Variants in GALNT16 observed in about 807,000 individuals in gnomAD.
The protein encoded by GALNT16 is polypeptide N-acetylgalactosaminyltransferase 16, also known as UDP-GalNAc:polypeptide N-acetylgalactosaminyltransferase-like protein 1.
GALNT16 carries 40 observed loss-of-function variants against 76.1 expected under a neutral mutation model. That is an observed-to-expected ratio of 0.53 (90% CI 0.41 to 0.68). The LOEUF (loss-of-function observed/expected upper bound fraction) is 0.68, where lower values mean the gene tolerates loss of function less well. GALNT16 is among the 30% of genes least tolerant of loss of function. The probability of loss-of-function intolerance (pLI) is 0.00; values close to 1 mark genes in which losing one functional copy is unlikely to be tolerated. For missense variants in GALNT16, 621 were observed against 731.9 expected, an observed-to-expected ratio of 0.85 and a Z score of 1.75; for synonymous variants, 276 against 285.2, an observed-to-expected ratio of 0.97 and a Z score of 0.32.
At chr14:69,371,684 G>A in the GALNT16 span, among the ~76,000 whole-genome samples, 8 of 152,008 alleles carry the variant, frequency 5.3e-5, no homozygotes, top group African/African-American at 1.7e-4. Flanking sequence ...GGTGGCTCAC[G>A]CCTGTAATCC....
At chr14:69,272,560 T>C (rs976558922) in intron 1 of GALNT16, among the ~76,000 whole-genome samples, 2 of 152,168 alleles carry the variant, frequency 1.3e-5, no homozygotes, top group African/African-American at 4.8e-5. Flanking sequence ...GCACAATTAC[T>C]TTATTTTAAA....
chr14:69,331,526 T>C lies in GALNT16; in HGVS notation c.753T>C (p.Leu251=). 6.2e-7 allele frequency: 1 copy of C among 1,606,306 alleles called. No homozygotes were observed. Among genetic ancestry groups the C allele is most frequent in the African/African-American group, 1.3e-5 (1 of 74,894 alleles). The part of the protein sequence containing the change: ...DVISLDNFAY[L]AASADLRGGF... ...TCAGTCTGGATAATTTTGCCTACCT[T>C]GCAGCATCTGCTGACCTTCGTGGAG... Residue 251 remains leucine, a synonymous_variant, in exon 7 of 15, where the codon CTT becomes CTC. Transcript: ENST00000448469.
At chr14:69,302,767 A>C (rs1416408456) in intron 1 of GALNT16, among the ~76,000 whole-genome samples, 1 of 152,238 alleles carries the variant, frequency 6.6e-6, no homozygotes, top group East Asian at 1.9e-4. Context: ...GATAAAAATG[A>C]ATAAATTTTT....
the GALNT16 span, among the ~76,000 whole-genome samples, chr14:69,378,552 CTG>C: frequency 6.6e-6 from 1 of 152,214 alleles, no homozygotes; most frequent in Non-Finnish European, 1.5e-5. Flanking sequence ...GGCTCTTTTT[CTG>C]TGTATTATGG....
At chr14:69,344,961 C>T (rs2045542627) in intron 12 of GALNT16, among the ~76,000 whole-genome samples, 1 of 152,132 alleles carries the variant, frequency 6.6e-6, no homozygotes, top group Non-Finnish European at 1.5e-5. Flanking sequence ...AGTGGTCAGG[C>T]AGGTGATGTC....
At chr14:69,302,362 C>T (rs967876651) in intron 1 of GALNT16, among the ~76,000 whole-genome samples, 1 of 152,150 alleles carries the variant, frequency 6.6e-6, no homozygotes, top group African/African-American at 2.4e-5. Context: ...TGATGTCTGT[C>T]TGTCTCTCTC....
At chr14:69,371,910 CT>C in the GALNT16 span, among the ~76,000 whole-genome samples, 4 of 152,098 alleles carry the variant, frequency 2.6e-5, no homozygotes, top group African/African-American at 9.6e-5. Flanking sequence ...TGCCACTGCA[CT>C]CCAGCCTGGG....
At chr14:69,346,392 T>C (rs139448418) in intron 12 of GALNT16, among the ~76,000 whole-genome samples, 2 of 152,322 alleles carry the variant, frequency 1.3e-5, no homozygotes, top group East Asian at 3.9e-4. Context: ...TGGTCAAAGA[T>C]GTGTGCATTT....
intron 2 of GALNT16, among the ~76,000 whole-genome samples, chr14:69,323,354 T>A (rs74654306): frequency 6.6e-6 from 1 of 152,194 alleles, no homozygotes; most frequent in East Asian, 1.9e-4. Flanking sequence ...GAGGCATGCA[T>A]GCCGAAAGGG....
chr14:69,368,471 A>G, the GALNT16 span, among the ~76,000 whole-genome samples: 1 of 152,168 alleles, frequency 6.6e-6, no homozygotes, highest in African/African-American at 2.4e-5. Flanking sequence ...GGGCTGTCTC[A>G]CAACATGGCA....
chr14:69,322,003 G>A (rs763465388), intron 2 of GALNT16, among the ~76,000 whole-genome samples: 3 of 152,250 alleles, frequency 2.0e-5, no homozygotes, highest in Non-Finnish European at 4.4e-5. Context: ...GTGAGGGTGC[G>A]AGAGGGCCTG....
intron 1 of GALNT16, among the ~76,000 whole-genome samples, chr14:69,310,799 C>A (rs531854264): frequency 3.8e-4 from 58 of 152,172 alleles, no homozygotes; most frequent in African/African-American, 1.4e-3. Flanking sequence ...CCTGTAACCT[C>A]AAGACTTTGG....
the GALNT16 span, among the ~76,000 whole-genome samples, chr14:69,365,292 A>T: frequency 1.3e-5 from 2 of 152,192 alleles, no homozygotes; most frequent in South Asian, 2.1e-4. Context: ...TTCATAAATA[A>T]TTAATAATTT....
At chr14:69,368,907 G>A in the GALNT16 span, among the ~76,000 whole-genome samples, 1 of 152,186 alleles carries the variant, frequency 6.6e-6, no homozygotes, top group Non-Finnish European at 1.5e-5. Flanking sequence ...AGGGAAGCAG[G>A]GACCAGAAAT....
intron 1 of GALNT16, among the ~76,000 whole-genome samples, chr14:69,312,054 AATCTGT>A (rs1290906427): frequency 8.0e-6 from 1 of 125,718 alleles, no homozygotes; most frequent in Admixed American, 7.5e-5. Flanking sequence ...AAAAAAAAAA[AATCTGT>A]CTATCTATCT....
At chr14:69,339,667 ACAACCC>A in intron 11 of GALNT16, 48 bp downstream of exon 11, 1 of 1,167,554 alleles carries the variant, frequency 8.6e-7, no homozygotes, top group Middle Eastern at 2.0e-4. Context: ...CCACATTAGC[ACAACCC>A]CAGCAAAATA....
downstream of GALNT16, chr14:69,355,740 G>A (rs1255924797): frequency 6.6e-6 from 1 of 152,214 alleles, no homozygotes; most frequent in Admixed American, 6.5e-5. Context: ...TCTGCACCAG[G>A]GCCAGACTCC....
chr14:69,273,875 G>A (rs946615561), intron 1 of GALNT16, among the ~76,000 whole-genome samples: 1 of 152,152 alleles, frequency 6.6e-6, no homozygotes, highest in South Asian at 2.1e-4. Flanking sequence ...GAAATGGGAG[G>A]GGTTGGCTCT....
chr14:69,338,403 C>T (rs1224382338), intron 9 of GALNT16, among the ~76,000 whole-genome samples: 1 of 152,236 alleles, frequency 6.6e-6, no homozygotes. Context: ...GCTTTTTCCA[C>T]TGCTCTTCCT....
Sources: gnomAD v4.1 joint callset for allele counts (sites outside exome capture counted in the v4.1 genomes callset) on GRCh38, gnomAD v4.1.1 for gene constraint, MANE v1.5 for transcripts, NCBI Gene and HGNC (gene_info 2026-07-23, HGNC 2026-07-21) for gene names.